SACM1L: variants seen among roughly 807,000 people sequenced by gnomAD.
The protein encoded by SACM1L is SAC1 like phosphatidylinositide phosphatase.
In SACM1L, 32 loss-of-function variants were observed where a neutral mutation model predicts 89.5. The observed-to-expected ratio is 0.36, with a 90% CI of 0.27 to 0.48. The LOEUF (loss-of-function observed/expected upper bound fraction) is 0.48, where lower values mean the gene tolerates loss of function less well. Among genes scored for constraint, SACM1L ranks in the 20% least tolerant of loss-of-function variants. The pLI is 0.99. For missense variants in SACM1L, 543 were observed against 708.5 expected (o/e 0.77, Z 2.65); for synonymous variants, 213 against 232.8 (o/e 0.92, Z 0.77).
At chr3:45,735,504 C>A in intron 14 of SACM1L, 131 bp downstream of exon 14, 1 of 850,330 alleles carries the variant, frequency 1.2e-6, no homozygotes, top group East Asian at 2.9e-5. Context: ...TGTGTCTTGC[C>A]CATGGATGTC....
intron 1 of SACM1L, among the ~76,000 whole-genome samples, chr3:45,693,743 A>G (rs936411681): frequency 3.3e-5 from 5 of 152,200 alleles, no homozygotes; most frequent in African/African-American, 4.8e-5. Context: ...GTCACTTACA[A>G]CCAAATATAG....
intron 4 of SACM1L, among the ~76,000 whole-genome samples, chr3:45,708,005 A>G (rs1261660195): frequency 1.3e-5 from 2 of 152,182 alleles, no homozygotes; most frequent in African/African-American, 2.4e-5. Flanking sequence ...TTTACTATAT[A>G]TAACTTACAA....
intron 4 of SACM1L, 70 bp downstream of exon 4, chr3:45,706,977 G>GGC: frequency 6.8e-7 from 1 of 1,460,144 alleles, no homozygotes; most frequent in Non-Finnish European, 9.5e-7. Flanking sequence ...AGGAGGGTGA[G>GGC]GGTGTTGTGG....
chr3:45,727,790 C>CTTTA (rs960029014), intron 11 of SACM1L, among the ~76,000 whole-genome samples: 1 of 151,888 alleles, frequency 6.6e-6, no homozygotes, highest in Non-Finnish European at 1.5e-5. Context: ...AGAGATGGGG[C>CTTTA]TTTACCGTGT....
intron 14 of SACM1L, 28 bp downstream of exon 14, chr3:45,735,401 G>GAA: frequency 6.7e-7 from 1 of 1,482,306 alleles, no homozygotes; most frequent in Non-Finnish European, 9.0e-7. Context: ...TTTTTTAATT[G>GAA]AAAAACAACA....
intron 1 of SACM1L, among the ~76,000 whole-genome samples, chr3:45,700,950 G>A (rs889701132): frequency 3.3e-5 from 5 of 152,228 alleles, no homozygotes; most frequent in Non-Finnish European, 7.3e-5. Flanking sequence ...GGGATTACAG[G>A]CGTGAGCCAC....
chr3:45,734,976 A>G (rs1487093338), intron 13 of SACM1L: 1 of 367,864 alleles, frequency 2.7e-6, no homozygotes, highest in Non-Finnish European at 4.9e-6. Context: ...AATACTCTTA[A>G]CTTTACTTTT....
chr3:45,703,625 T>G, intron 2 of SACM1L, 90 bp downstream of exon 2: 1 of 805,468 alleles, frequency 1.2e-6, no homozygotes, highest in South Asian at 1.6e-5. Flanking sequence ...GGTGTGTCAG[T>G]GTGTGGATCT....
intron 8 of SACM1L, among the ~76,000 whole-genome samples, chr3:45,720,896 A>C (rs146740170): frequency 2.6e-5 from 4 of 152,342 alleles, no homozygotes; most frequent in African/African-American, 9.6e-5. Flanking sequence ...GGATGTTAGG[A>C]AATACTTGGC....
At chr3:45,709,445 G>C (rs1698472003) in intron 4 of SACM1L, 53 bp from the exon 5 acceptor site, 3 of 1,454,898 alleles carry the variant, frequency 2.1e-6, no homozygotes, top group Non-Finnish European at 2.8e-6. Flanking sequence ...CTTTTCTCAT[G>C]CTGGCAGATT....
In SACM1L at chr3:45,738,569, T is replaced by TGG; in HGVS notation, c.1383-9_1383-8insGG. 1 of 1,585,862 alleles carries TGG rather than the reference T, an allele frequency of 6.3e-7. No homozygotes were observed. Among genetic ancestry groups the TGG allele is most frequent in the South Asian group, 1.1e-5 (1 of 90,282 alleles). On this transcript the variant is annotated splice_polypyrimidine_tract_variant and intron_variant, in intron 16 of 19. Coordinates refer to ENST00000389061, the MANE Select transcript of SACM1L (RefSeq NM_014016.5). The stretch of plus-strand genomic sequence containing the variant: ...AACCTGTAACTTAAAATTTAACCTC[T>TGG]TTAACCAGAACTGGAAAGAGAACTC...
In SACM1L at chr3:45,705,220, ATAAGC is replaced by A; in HGVS notation, c.205+16_205+20del. On this transcript the variant is annotated intron_variant, in intron 3 of 19. Transcript: ENST00000389061. ...TCCATCTGGTGGCAGGTAAGAGAAAATAAGCTAAGATGGGCAAAGAAGGTAATTAG... is the reference window on the plus strand; with the variant it reads ...TCCATCTGGTGGCAGGTAAGAGAAAATAAGATGGGCAAAGAAGGTAATTAG... 6.4e-7 allele frequency: 1 copy of A among 1,563,494 alleles called. No individual in the cohort carries two copies. The highest frequency in any genetic ancestry group is 1.4e-5 in the African/African-American group (1 of 73,894).
chr3:45,722,564 A>G (rs939191804), intron 9 of SACM1L, among the ~76,000 whole-genome samples: 6 of 152,326 alleles, frequency 3.9e-5, no homozygotes, highest in Admixed American at 2.6e-4. Context: ...TTTTTTCATA[A>G]TGCCAAATTA....
chr3:45,703,387 G>A, intron 1 of SACM1L, 51 bp from the exon 2 acceptor site: 1 of 1,234,562 alleles, frequency 8.1e-7, no homozygotes, highest in Non-Finnish European at 1.2e-6. Flanking sequence ...TAGTTTTTTA[G>A]AAGTCTTCAT....
intron 19 of SACM1L, among the ~76,000 whole-genome samples, chr3:45,742,309 ATTC>A (rs1233954810): frequency 6.6e-6 from 1 of 152,226 alleles, no homozygotes; most frequent in Non-Finnish European, 1.5e-5. Flanking sequence ...ATGTCAGTTT[ATTC>A]TTATGATAAA....
At chr3:45,735,713 A>G (rs904589112) in intron 14 of SACM1L, among the ~76,000 whole-genome samples, 4 of 152,158 alleles carry the variant, frequency 2.6e-5, no homozygotes, top group African/African-American at 9.7e-5. Flanking sequence ...AACTTGAATT[A>G]TTTCCTTCAT....
chr3:45,716,099 C>T (rs2742394), intron 7 of SACM1L, among the ~76,000 whole-genome samples: 95,623 of 151,876 alleles, frequency 0.63, 30,534 homozygotes, highest in Non-Finnish European at 0.66. Context: ...GACAGAGAGG[C>T]GGGAGCTGTG....
intron 1 of SACM1L, among the ~76,000 whole-genome samples, chr3:45,701,424 C>T (rs1189418989): frequency 3.3e-5 from 5 of 152,044 alleles, no homozygotes; most frequent in Non-Finnish European, 5.9e-5. Context: ...GCTTAGTATG[C>T]GGTAGCCTTT....
chr3:45,709,106 G>A (rs1047836494), intron 4 of SACM1L, among the ~76,000 whole-genome samples: 8 of 152,124 alleles, frequency 5.3e-5, no homozygotes, highest in Admixed American at 4.6e-4. Flanking sequence ...TTTATTTGTC[G>A]AAGATAGCTA....
Sources: gnomAD v4.1 joint callset for allele counts (sites outside exome capture counted in the v4.1 genomes callset) on GRCh38, gnomAD v4.1.1 for gene constraint, MANE v1.5 for transcripts, NCBI Gene and HGNC (gene_info 2026-07-23, HGNC 2026-07-21) for gene names.